Variants in CDK12 observed in about 807,000 individuals in gnomAD.
The protein encoded by CDK12 is cyclin-dependent kinase 12.
Under a neutral mutation model 133.8 loss-of-function variants are expected in CDK12, and 17 were observed. The observed-to-expected ratio is 0.13, with a 90% CI of 0.09 to 0.19. The LOEUF (loss-of-function observed/expected upper bound fraction) is 0.19, where lower values mean the gene tolerates loss of function less well. CDK12 is among the 10% of genes least tolerant of loss of function. CDK12 has a pLI of 1.00. For missense variants in CDK12, 1,508 were observed against 1,818.7 expected, an observed-to-expected ratio of 0.83 and a Z score of 3.11; for synonymous variants, 694 against 683.6, an observed-to-expected ratio of 1.02 and a Z score of -0.24.
chr17:39,493,291 C>A (rs12938088), intron 4 of CDK12, among the ~76,000 whole-genome samples: 135 of 151,482 alleles, frequency 8.9e-4, no homozygotes, highest in African/African-American at 3.1e-3. Context: ...ATGTGAGCCA[C>A]GGCGCCAGGC....
At chr17:39,537,193 C>G (rs1333968086), downstream of CDK12, among the ~76,000 whole-genome samples, 1 of 152,152 alleles carries the variant, frequency 6.6e-6, no homozygotes. Flanking sequence ...GGATCCTTCT[C>G]CCTCCTCAGT....
At chr17:39,519,273 T>C (rs901011904) in intron 10 of CDK12, among the ~76,000 whole-genome samples, 2 of 151,506 alleles carry the variant, frequency 1.3e-5, no homozygotes, top group Non-Finnish European at 2.9e-5. Flanking sequence ...CTTGCTTTCT[T>C]TGGTTTTACA....
At chr17:39,515,859 T>C (rs751976591) in intron 9 of CDK12, 51 bp downstream of exon 9, 1 of 1,166,238 alleles carries the variant, frequency 8.6e-7, no homozygotes, top group South Asian at 1.3e-5. Flanking sequence ...GGTATTCTCA[T>C]CCTCCAGTTT....
intron 9 of CDK12, among the ~76,000 whole-genome samples, chr17:39,516,873 C>T (rs1023968784): frequency 4.0e-5 from 6 of 151,026 alleles, no homozygotes. Context: ...CCATGTTAGC[C>T]AGGATGGTCT....
chr17:39,483,750 ACT>A (rs1229378764), intron 2 of CDK12, among the ~76,000 whole-genome samples: 1 of 150,192 alleles, frequency 6.7e-6, no homozygotes, highest in Non-Finnish European at 1.5e-5. Context: ...GCGGATTCTT[ACT>A]CTCATGATCC....
chr17:39,511,701 A>G lies in CDK12; in HGVS notation c.2768+71A>G, dbSNP rs183498606. The G allele has an allele frequency of 2.2e-4, 203 of 932,236 alleles. No individual in the cohort carries two copies. The African/African-American group carries it at 2.9e-3, about 13-fold the overall frequency. 57.7% of individuals were successfully genotyped at this position (932,236 alleles called of 1,614,324 possible). A position where few individuals can be genotyped will look rare whatever the true frequency, so the allele number is the denominator to read the frequency against. ...TTGACTTGTACTTTGTTTTCTCTGT[A>G]CACTGGCTTTTTAGAGCTCTTCTTA... is the stretch of plus-strand genomic sequence containing the variant. On this transcript the variant is annotated intron_variant, in intron 8 of 13. Transcript: ENST00000447079.
Position 39,524,665 on chromosome 17 carries a change from T to A in CDK12, c.3096-9T>A, listed in dbSNP as rs2054385967. 6.2e-7 allele frequency: 1 copy of A among 1,612,798 alleles called. No individual in the cohort carries two copies. Among genetic ancestry groups the A allele is most frequent in the Non-Finnish European group, 8.5e-7 (1 of 1,178,960 alleles). ...TTACATATTTCCCCTTTGCTTTGTC[T>A]TTTTCCAGCCTCCCCCACTGGCAGG... is the stretch of plus-strand genomic sequence containing the variant. On this transcript the variant is annotated splice_polypyrimidine_tract_variant and intron_variant, in intron 11 of 13. Transcript: ENST00000447079.
intron 11 of CDK12, among the ~76,000 whole-genome samples, chr17:39,521,161 A>G (rs970488020): frequency 6.6e-6 from 1 of 151,548 alleles, no homozygotes; most frequent in Admixed American, 6.6e-5. Flanking sequence ...TTGTATTTTT[A>G]GTAGAGATGG....
At chr17:39,485,408 C>CTTTTT (rs35318849) in intron 2 of CDK12, among the ~76,000 whole-genome samples, 1 of 69,862 alleles carries the variant, frequency 1.4e-5, no homozygotes, top group African/African-American at 5.2e-5. Flanking sequence ...CATCCCCCCC[C>CTTTTT]TTTTTTTTTT....
At chr17:39,474,781 C>CTTTTTTTT (rs893347738) in intron 2 of CDK12, among the ~76,000 whole-genome samples, 2 of 94,104 alleles carry the variant, frequency 2.1e-5, no homozygotes, top group East Asian at 2.9e-4. Context: ...ATGATGTTTC[C>CTTTTTTTT]TTTTTTTTTT....
intron 4 of CDK12, 113 bp from the exon 5 acceptor site, chr17:39,494,410 TA>T: frequency 1.2e-6 from 1 of 813,210 alleles, no homozygotes; most frequent in Non-Finnish European, 2.0e-6. Flanking sequence ...GTATCTCGTG[TA>T]AGCATTAAAG....
intron 12 of CDK12, 70 bp from the exon 13 acceptor site, chr17:39,525,794 C>A: frequency 1.7e-6 from 2 of 1,159,824 alleles, no homozygotes; most frequent in Admixed American, 4.7e-5. Flanking sequence ...GTTGCTGTTG[C>A]CAGTTGAAGA....
chr17:39,515,772 A>T lies in CDK12; in HGVS notation c.2810A>T (p.Gln937Leu). The T allele has an allele frequency of 6.2e-7, 1 of 1,613,674 alleles. No homozygotes were observed. The highest frequency in any genetic ancestry group is 8.5e-7 in the Non-Finnish European group (1 of 1,179,724). Residue 937 changes from glutamine to leucine, a missense_variant, in exon 9 of 14, where the codon CAA becomes CTA. Around this residue, in one of 9 missense-constraint regions of CDK12, gnomAD observed 82 missense variants for 201.5 expected, o/e 0.41. Transcript: ENST00000447079. ...CTATTCACAAAGAAGCCTATTTTTC[A>T]AGCCAATCTGGAACTGGCTCAGCTA... ...GELFTKKPIF[Q>L]ANLELAQLEL...
intron 2 of CDK12, among the ~76,000 whole-genome samples, chr17:39,479,286 C>T (rs913263018): frequency 2.1e-3 from 1 of 468 alleles, no homozygotes; most frequent in African/African-American, 8.6e-3. Flanking sequence ...CGAGCCTGGG[C>T]GACAAGAGCG....
chr17:39,490,468 T>G (rs2051499582), intron 2 of CDK12, 89 bp from the exon 3 acceptor site: 1 of 855,756 alleles, frequency 1.2e-6, no homozygotes, highest in Admixed American at 2.9e-5. Flanking sequence ...CTTTCTAACC[T>G]TTTCGTAACC....
At chr17:39,486,954 G>A (rs1202762427) in intron 2 of CDK12, among the ~76,000 whole-genome samples, 2 of 152,156 alleles carry the variant, frequency 1.3e-5, no homozygotes, top group Non-Finnish European at 2.9e-5. Context: ...GTTGCAGTGA[G>A]CCAAGATTGC....
rs2144883312 is a variant in CDK12 at position 39,462,563 on chromosome 17, G to A, written c.492G>A (p.Ala164=). The change falls in exon 1 of 14, where the codon GCG becomes GCA. Residue 164 remains alanine (A), a synonymous_variant. Coordinates refer to ENST00000447079, the MANE Select transcript of CDK12 (RefSeq NM_016507.4). ...SNEETDDYGK[A]QVAKSSSKES... is the part of the protein sequence containing the mutation. ...AGGAGACTGATGACTATGGGAAGGC[G>A]CAGGTAGCCAAAAGCAGCAGCAAGG... The A allele has an allele frequency of 6.2e-7, 1 of 1,614,160 alleles. No individual in the cohort carries two copies. Among genetic ancestry groups the A allele is most frequent in the Non-Finnish European group, 8.5e-7 (1 of 1,180,034 alleles).
chr17:39,499,479 G>T (rs1278107113), intron 5 of CDK12, among the ~76,000 whole-genome samples: 2 of 141,110 alleles, frequency 1.4e-5, no homozygotes, highest in African/African-American at 2.6e-5. Flanking sequence ...AAAGTGCTGG[G>T]ATTACAGGCA....
chr17:39,511,743 G>C, intron 8 of CDK12, 113 bp downstream of exon 8: 1 of 518,926 alleles, frequency 1.9e-6, no homozygotes, highest in South Asian at 5.4e-5. Context: ...GAAGGATGGC[G>C]ATAAACTTTT....
Sources: gnomAD v4.1 joint callset for allele counts (sites outside exome capture counted in the v4.1 genomes callset) on GRCh38, gnomAD v4.1.1 for gene constraint, gnomAD v4.1.1 regional missense constraint, MANE v1.5 for transcripts, NCBI Gene and HGNC (gene_info 2026-07-23, HGNC 2026-07-21) for gene names.